Variants in AGBL1 observed in about 807,000 individuals in gnomAD.
AGBL1 encodes AGBL carboxypeptidase 1.
Under a neutral mutation model 118.9 loss-of-function variants are expected in AGBL1, and 130 were observed. The ratio of observed to expected loss-of-function variants is 1.09; its 90% CI spans 0.95 to 1.26. AGBL1 has a LOEUF of 1.26. Ranked by LOEUF, AGBL1 falls within the 50% of genes most tolerant of loss-of-function variation. The pLI is 0.00. For missense variants in AGBL1, 1,584 were observed against 1,298.1 expected, an observed-to-expected ratio of 1.22 and a Z score of -3.38; for synonymous variants, 555 against 478.9, an observed-to-expected ratio of 1.16 and a Z score of -2.08.
At chr15:86,102,142 G>C (rs1254604370) in intron 1 of AGBL1, among the ~76,000 whole-genome samples, 1 of 151,832 alleles carries the variant, frequency 6.6e-6, no homozygotes, top group Non-Finnish European at 1.5e-5. Flanking sequence ...CCAGGTTCAA[G>C]CGATCCGCTC....
chr15:86,267,464 T>C (rs999281819), intron 13 of AGBL1, among the ~76,000 whole-genome samples: 1 of 152,118 alleles, frequency 6.6e-6, no homozygotes, highest in Non-Finnish European at 1.5e-5. Context: ...AAGGGAAGGG[T>C]ACATGGGCTT....
chr15:86,604,234 G>A (rs2084539355), intron 21 of AGBL1, among the ~76,000 whole-genome samples: 2 of 151,474 alleles, frequency 1.3e-5, no homozygotes, highest in Admixed American at 1.3e-4. Flanking sequence ...GAAATTGTAG[G>A]CAATTAGATG....
chr15:86,945,244 T>TAAAAAAAAAAAAAAAAAAAA (rs11326362), intron 23 of AGBL1, among the ~76,000 whole-genome samples: 1 of 70,786 alleles, frequency 1.4e-5, no homozygotes, highest in Non-Finnish European at 2.7e-5. Flanking sequence ...ACCCCATCAC[T>TAAAAAAAAAAAAAAAAAAAA]AAAAAAAAAA....
At chr15:86,977,206 T>C (rs1387653973) in intron 23 of AGBL1, among the ~76,000 whole-genome samples, 5 of 151,978 alleles carry the variant, frequency 3.3e-5, no homozygotes, top group Non-Finnish European at 7.4e-5. Context: ...ATATCACTTA[T>C]ATAAAAATTC....
At chr15:86,280,666 T>C (rs2079337558) in intron 16 of AGBL1, among the ~76,000 whole-genome samples, 1 of 152,246 alleles carries the variant, frequency 6.6e-6, no homozygotes, top group African/African-American at 2.4e-5. Context: ...GCCTGAAGGA[T>C]GAGCATTTTC....
intron 22 of AGBL1, among the ~76,000 whole-genome samples, chr15:86,765,167 G>A (rs75740492): frequency 0.065 from 9,814 of 151,992 alleles, 390 homozygotes; most frequent in South Asian, 0.13. Flanking sequence ...ATACAGACCC[G>A]GAAGCAGAGA....
At chr15:86,904,641 A>G (rs2080257288) in intron 22 of AGBL1, among the ~76,000 whole-genome samples, 1 of 147,830 alleles carries the variant, frequency 6.8e-6, no homozygotes, top group Non-Finnish European at 1.5e-5. Flanking sequence ...TGTTATGTAT[A>G]ATAAATGTAT....
intron 23 of AGBL1, among the ~76,000 whole-genome samples, chr15:86,923,840 C>T (rs2080504697): frequency 6.6e-6 from 1 of 152,110 alleles, no homozygotes; most frequent in Admixed American, 6.5e-5. Flanking sequence ...TTTAAAAACC[C>T]ACCCTATGTC....
chr15:86,881,198 ATT>A (rs981489053), intron 22 of AGBL1, among the ~76,000 whole-genome samples: 2 of 152,300 alleles, frequency 1.3e-5, no homozygotes, highest in African/African-American at 4.8e-5. Context: ...CAGAAATGCA[ATT>A]TTTTGAATTA....
chr15:86,729,446 A>G (rs1461172808), intron 22 of AGBL1, among the ~76,000 whole-genome samples: 1 of 152,180 alleles, frequency 6.6e-6, no homozygotes, highest in Non-Finnish European at 1.5e-5. Context: ...CCACTTTAGT[A>G]GTCCCCAGTG....
intron 21 of AGBL1, among the ~76,000 whole-genome samples, chr15:86,649,473 T>A (rs887102578): frequency 6.6e-6 from 1 of 152,192 alleles, no homozygotes; most frequent in Non-Finnish European, 1.5e-5. Flanking sequence ...TTTTCAGTCA[T>A]GAATTTGAAG....
chr15:86,280,799 G>T (rs1017154854), intron 16 of AGBL1, among the ~76,000 whole-genome samples: 1 of 152,086 alleles, frequency 6.6e-6, no homozygotes, highest in Non-Finnish European at 1.5e-5. Flanking sequence ...GAACCACTTG[G>T]CTCACTGCTT....
intron 24 of AGBL1, among the ~76,000 whole-genome samples, chr15:86,994,718 A>T (rs1017197055): frequency 6.6e-6 from 1 of 152,192 alleles, no homozygotes; most frequent in African/African-American, 2.4e-5. Context: ...TAAAAATCAC[A>T]TATACCCTTC....
At chr15:86,934,491 C>A (rs1028132145) in intron 23 of AGBL1, among the ~76,000 whole-genome samples, 1 of 151,788 alleles carries the variant, frequency 6.6e-6, no homozygotes, top group South Asian at 2.1e-4. Flanking sequence ...CAGACTTCCT[C>A]CTTGCTATTA....
chr15:86,936,930 C>T (rs948902355), intron 23 of AGBL1, among the ~76,000 whole-genome samples: 1 of 152,158 alleles, frequency 6.6e-6, no homozygotes, highest in Non-Finnish European at 1.5e-5. Context: ...TATCCAGCAT[C>T]CTTAAGGAAC....
At chr15:86,139,803 A>C (rs570879088) in intron 1 of AGBL1, 1 of 155,642 alleles carries the variant, frequency 6.4e-6, no homozygotes, top group Non-Finnish European at 1.4e-5. Context: ...CCTTAGTTTA[A>C]GTGGGGCCCA....
At chr15:86,801,310 C>CATCTATATCTATCTATCT (rs1555451585) in intron 22 of AGBL1, among the ~76,000 whole-genome samples, 20 of 147,314 alleles carry the variant, frequency 1.4e-4, no homozygotes, top group South Asian at 2.2e-4. Context: ...TTGATGATTA[C>CATCTATATCTATCTATCT]ATCTATCTAT....
chr15:87,006,651 A>G (rs1289158268), intron 24 of AGBL1, among the ~76,000 whole-genome samples: 1 of 152,092 alleles, frequency 6.6e-6, no homozygotes, highest in Non-Finnish European at 1.5e-5. Context: ...GGGTGAGGCA[A>G]TGCCTCACCC....
chr15:86,850,648 C>A (rs1467532990), intron 22 of AGBL1, among the ~76,000 whole-genome samples: 3 of 152,104 alleles, frequency 2.0e-5, no homozygotes, highest in Non-Finnish European at 4.4e-5. Context: ...ATAGGGTTAC[C>A]TAAATTAACC....
Sources: allele counts gnomAD v4.1 joint callset (sites outside exome capture counted in the v4.1 genomes callset), GRCh38; gene constraint gnomAD v4.1.1; transcripts MANE v1.5; gene names NCBI Gene and HGNC (gene_info 2026-07-23, HGNC 2026-07-21).